Variants in FAM53A observed in about 807,000 individuals in gnomAD.
The protein encoded by FAM53A is family with sequence similarity 53 member A.
FAM53A carries 28 observed loss-of-function variants against 26.6 expected under a neutral mutation model. The ratio of observed to expected loss-of-function variants is 1.05; its 90% confidence interval spans 0.78 to 1.45. The LOEUF is 1.45. FAM53A is among the 40% of genes most tolerant of loss of function. FAM53A has a pLI of 0.00. For missense variants in FAM53A, 650 were observed against 575.8 expected (o/e 1.13, Z -1.32); for synonymous variants, 290 against 253.1 (o/e 1.15, Z -1.38).
At chr4:1,590,963 T>TATATATATAC in the FAM53A span, among the ~76,000 whole-genome samples, 1 of 48,582 alleles carries the variant, frequency 2.1e-5, no homozygotes, top group Non-Finnish European at 3.7e-5. Flanking sequence ...TGCATATATA[T>TATATATATAC]ATATATATAT....
chr4:1,599,248 T>C, the FAM53A span, among the ~76,000 whole-genome samples: 5 of 40,046 alleles, frequency 1.2e-4, no homozygotes, highest in Admixed American at 3.3e-4. The surrounding 1 kb of genome is among the most constrained non-coding windows in gnomAD (Gnocchi z 6.1). Flanking sequence ...GCTCCAACCC[T>C]GCCTGGTACT....
intron 1 of FAM53A, among the ~76,000 whole-genome samples, chr4:1,669,909 C>A (rs939386220): frequency 6.6e-6 from 1 of 152,214 alleles, no homozygotes; most frequent in South Asian, 2.1e-4. Context: ...CCTCAGCTGC[C>A]GCCCGGCTTC....
the FAM53A span, among the ~76,000 whole-genome samples, chr4:1,609,350 C>A: frequency 1.3e-5 from 2 of 152,090 alleles, no homozygotes; most frequent in Admixed American, 6.5e-5. Flanking sequence ...ACGGGAAGGC[C>A]CAGGCCTGCA....
At chr4:1,677,305 C>A (rs1261905146) in intron 1 of FAM53A, among the ~76,000 whole-genome samples, 1 of 152,164 alleles carries the variant, frequency 6.6e-6, no homozygotes, top group African/African-American at 2.4e-5. Context: ...CACTCTGCAC[C>A]CCACCCTGGT....
At chr4:1,662,889 G>A (rs541092260) in intron 2 of FAM53A, among the ~76,000 whole-genome samples, 18 of 152,040 alleles carry the variant, frequency 1.2e-4, no homozygotes, top group Non-Finnish European at 2.2e-4. Context: ...AATAACACGC[G>A]TTGATGAGAG....
At chr4:1,647,105 T>C (rs1712313761) in intron 4 of FAM53A, among the ~76,000 whole-genome samples, 1 of 151,584 alleles carries the variant, frequency 6.6e-6, no homozygotes, top group Admixed American at 6.6e-5. Context: ...GAGGCTGAGG[T>C]GGGTGGATTT....
At chr4:1,664,316 G>A (rs1714067321) in intron 2 of FAM53A, among the ~76,000 whole-genome samples, 1 of 152,174 alleles carries the variant, frequency 6.6e-6, no homozygotes, top group Non-Finnish European at 1.5e-5. Context: ...TAAAGGCGCA[G>A]ATCAAACAAG....
the FAM53A span, among the ~76,000 whole-genome samples, chr4:1,599,799 C>T: frequency 2.0e-5 from 3 of 152,226 alleles, no homozygotes; most frequent in East Asian, 5.8e-4. The surrounding 1 kb of genome is among the most constrained non-coding windows in gnomAD (Gnocchi z 6.1). Flanking sequence ...GACACCTGCA[C>T]AGGCACTCCG....
chr4:1,590,776 G>T, the FAM53A span, among the ~76,000 whole-genome samples: 1 of 150,396 alleles, frequency 6.6e-6, no homozygotes, highest in Non-Finnish European at 1.5e-5. Context: ...AGATAATAGA[G>T]GTAATTCAAT....
In FAM53A at chr4:1,675,568, G is replaced by C. The variant is rs545483801; in HGVS notation, c.-164-6663C>G. Among the ~76,000 whole-genome samples the C allele has an allele frequency of 4.6e-5, 7 of 152,226 alleles. No homozygotes were observed. In the South Asian group the frequency reaches 1.5e-3, roughly 32 times the overall value. ...AAATCCCTTCCTTGTAACTGCACTG[G>C]TGACTTAGCCGACAACCCCAGGAGG... On this transcript the variant is annotated intron_variant, in intron 1 of 4. Coordinates refer to ENST00000308132, the MANE Select transcript of FAM53A (RefSeq NM_001174070.3).
At chr4:1,635,222 C>T (rs1157986263), downstream of FAM53A, among the ~76,000 whole-genome samples, 1 of 152,174 alleles carries the variant, frequency 6.6e-6, no homozygotes, top group Non-Finnish European at 1.5e-5. Flanking sequence ...ACAAAGAAAA[C>T]CTTGTGGGTC....
At chr4:1,637,442 G>T (rs992124929), downstream of FAM53A, among the ~76,000 whole-genome samples, 1 of 152,166 alleles carries the variant, frequency 6.6e-6, no homozygotes, top group African/African-American at 2.4e-5. Flanking sequence ...GAGCCTGGGG[G>T]AGGATGGAGA....
At chr4:1,651,189 C>T (rs1429757563) in intron 4 of FAM53A, among the ~76,000 whole-genome samples, 3 of 145,940 alleles carry the variant, frequency 2.1e-5, no homozygotes, top group East Asian at 4.1e-4. Flanking sequence ...TGTTCCATTG[C>T]TCACCAGCCT....
intron 4 of FAM53A, among the ~76,000 whole-genome samples, chr4:1,653,940 C>T (rs944941018): frequency 1.3e-5 from 2 of 152,222 alleles, no homozygotes; most frequent in Non-Finnish European, 2.9e-5. Context: ...CCAGCCCACC[C>T]GAGCAAGACA....
At chr4:1,612,535 C>T in the FAM53A span, among the ~76,000 whole-genome samples, 1 of 152,198 alleles carries the variant, frequency 6.6e-6, no homozygotes, top group African/African-American at 2.4e-5. Flanking sequence ...CACATGTACA[C>T]ACCCACACGG....
chr4:1,623,177 G>A (rs1715125465), intron 1 of FAM53A, among the ~76,000 whole-genome samples: 1 of 152,200 alleles, frequency 6.6e-6, no homozygotes, highest in Non-Finnish European at 1.5e-5. Context: ...CCAGGGCCCT[G>A]GCATGCCCGC....
At chr4:1,666,660 T>C (rs907086121) in intron 2 of FAM53A, among the ~76,000 whole-genome samples, 1 of 152,234 alleles carries the variant, frequency 6.6e-6, no homozygotes, top group Non-Finnish European at 1.5e-5. Context: ...TCTGTATCCT[T>C]TGGTCTTGGT....
rs534843596 is a variant in FAM53A at position 1,673,219 on chromosome 4, C to T, written c.-164-4314G>A. The stretch of plus-strand genomic sequence containing the variant: ...GCCCAGACTGGAGGGGGTCCCAATG[C>T]AGCACGTGACCCTGGGTCAGAAAAA... On this transcript the variant is annotated intron_variant, in intron 1 of 4. Transcript: ENST00000308132. Among the ~76,000 whole-genome samples the T allele has an allele frequency of 3.3e-5, 5 of 152,294 alleles. No individual in the cohort carries two copies. The East Asian group carries it at 9.7e-4, about 29-fold the overall frequency.
At chr4:1,681,992 T>C (rs1715472391) in intron 1 of FAM53A, among the ~76,000 whole-genome samples, 1 of 152,098 alleles carries the variant, frequency 6.6e-6, no homozygotes, top group African/African-American at 2.4e-5. Flanking sequence ...GCCCACTCAC[T>C]AGCCAGGCCA....
Sources: allele counts gnomAD v4.1 joint callset (sites outside exome capture counted in the v4.1 genomes callset), GRCh38; gene constraint gnomAD v4.1.1; non-coding constraint Gnocchi (gnomAD v3.1); transcripts MANE v1.5; gene names NCBI Gene and HGNC (gene_info 2026-07-23, HGNC 2026-07-21).